The following SAMD9 variants were observed in gnomAD, a reference collection of about 807,000 sequenced individuals.
The protein encoded by SAMD9 is sterile alpha motif domain-containing protein 9.
A neutral mutation model predicts 1.5 loss-of-function variants in SAMD9; 3 were observed. The observed-to-expected ratio is 2.05, with a 90% CI of 0.93 to 5.29. SAMD9 has a LOEUF of 5.29. Among genes scored for constraint, SAMD9 ranks in the 30% most tolerant of loss-of-function variants. The pLI, the probability that SAMD9 is intolerant of heterozygous loss-of-function variation, is 0.02. For synonymous variants in SAMD9, 635 were observed against 631.9 expected (o/e 1.00, Z -0.07); for missense variants, 1,597 against 1,820.8 (o/e 0.88, Z 2.24).
chr7:93,115,069 G>A (rs937781041), intron 1 of SAMD9, among the ~76,000 whole-genome samples, 174 bp from the exon 2 acceptor site: 33 of 152,190 alleles, frequency 2.2e-4, no homozygotes, highest in South Asian at 4.1e-4. Flanking sequence ...CTACCGGGAG[G>A]AGGAAAACCA....
At chr7:93,113,640 G>T (rs980929358) in intron 2 of SAMD9, among the ~76,000 whole-genome samples, 3 of 152,014 alleles carry the variant, frequency 2.0e-5, no homozygotes, top group African/African-American at 7.2e-5. Context: ...GTGGGCAAAA[G>T]ATGAACAGAC....
chr7:93,111,387 A>G (rs1791740865), intron 2 of SAMD9, among the ~76,000 whole-genome samples: 1 of 152,222 alleles, frequency 6.6e-6, no homozygotes, highest in African/African-American at 2.4e-5. Context: ...TAACATCACA[A>G]TTAAAAGAAC....
intron 2 of SAMD9, among the ~76,000 whole-genome samples, chr7:93,111,023 G>A (rs141510176): frequency 0.056 from 8,520 of 152,096 alleles, 339 homozygotes; most frequent in South Asian, 0.2. Context: ...GCACCACATC[G>A]CACTTATTTC....
chr7:93,111,489 A>C (rs1791742821), intron 2 of SAMD9, among the ~76,000 whole-genome samples: 2 of 152,210 alleles, frequency 1.3e-5, no homozygotes, highest in South Asian at 2.1e-4. Context: ...AGACACAAAA[A>C]ACCCTTCAAA....
In SAMD9 at chr7:93,117,963, A is replaced by G. The variant is rs1452559110; in HGVS notation, c.-210T>C. Reference sequence around the variant, plus strand: ...TTTGTTTTCTTCCTCCTACGATGCTAGAGAAAAGTATTTTCCTCATTCTGG... The same window carrying G: ...TTTGTTTTCTTCCTCCTACGATGCTGGAGAAAAGTATTTTCCTCATTCTGG... On this transcript the variant is annotated 5_prime_UTR_variant, in exon 1 of 3. Transcript: ENST00000379958. 1 of 152,192 alleles carries G rather than the reference A, an allele frequency of 6.6e-6. No individual in the cohort carries two copies. Among genetic ancestry groups the G allele is most frequent in the African/African-American group, 2.4e-5 (1 of 41,454 alleles). The allele number at this position is 152,192 out of a possible 1,614,324, so 9.4% of individuals were successfully genotyped here. A position where few individuals can be genotyped will look rare whatever the true frequency, so the allele number is the denominator to read the frequency against.
intron 2 of SAMD9, among the ~76,000 whole-genome samples, chr7:93,110,812 C>T (rs1326348494): frequency 1.3e-5 from 2 of 152,138 alleles, no homozygotes; most frequent in African/African-American, 4.8e-5. Flanking sequence ...AAAGCAAGTC[C>T]TTAGAGACCT....
At chr7:93,117,108 G>A (rs6465371) in intron 1 of SAMD9, among the ~76,000 whole-genome samples, 148,219 of 152,328 alleles carry the variant, frequency 0.97, 72,135 homozygotes, top group East Asian at 1. Context: ...GTCTTCCTAT[G>A]TATGTCATCC....
intron 2 of SAMD9, among the ~76,000 whole-genome samples, chr7:93,110,290 A>G (rs1408834753): frequency 6.6e-6 from 1 of 152,218 alleles, no homozygotes; most frequent in Admixed American, 6.5e-5. Flanking sequence ...CCTGCCTTAC[A>G]AGAGCTCCTG....
At position 93,103,384 on chromosome 7, in the gene SAMD9, A is replaced by C. The variant is rs1295016722; in HGVS notation, c.2714T>G (p.Leu905Arg). 1.2e-6 allele frequency: 2 copies of C among 1,613,438 alleles called. No homozygotes were observed. Among genetic ancestry groups the C allele is most frequent in the African/African-American group, 2.7e-5 (2 of 74,910 alleles). Residue 905 changes from leucine (L) to arginine (R), a missense_variant, in exon 3 of 3, where the codon CTG (leucine) becomes CGG (arginine). This residue lies in a region of SAMD9 where 682 missense variants were observed against 810.0 expected (regional missense o/e 0.84). Transcript: ENST00000379958. ...CTTGGTGAAAATATTCTGCCCTTTCAGGATATTCCGGACCACATTTTCTAT... is the reference window on the plus strand; with the variant it reads ...CTTGGTGAAAATATTCTGCCCTTTCCGGATATTCCGGACCACATTTTCTAT... Reference protein sequence around the residue: ...EYIENVVRNILKGQNIFTKEA... With the variant: ...EYIENVVRNIRKGQNIFTKEA...
In SAMD9 at chr7:93,102,496, A is replaced by T; in HGVS notation, c.3602T>A (p.Ile1201Lys). ...TTGGATTGTGTAAAGCCCAACTTCT[A>T]TCTCTCCTTGATAACCAGCTATATT... Reference protein sequence around the residue: ...TYNIAGYQGEIEVGLYTIQIL... With the variant: ...TYNIAGYQGEKEVGLYTIQIL... The change falls in exon 3 of 3, where the codon ATA (isoleucine) becomes AAA (lysine). Residue 1201 changes from isoleucine (I) to lysine (K), a missense_variant. Transcript: ENST00000379958. 1 of 1,613,774 alleles carries T rather than the reference A, an allele frequency of 6.2e-7. No homozygotes were observed. Among genetic ancestry groups the T allele is most frequent in the South Asian group, 1.1e-5 (1 of 91,074 alleles).
intron 2 of SAMD9, among the ~76,000 whole-genome samples, chr7:93,107,387 T>C (rs754727054): frequency 1.4e-4 from 21 of 152,322 alleles, no homozygotes; most frequent in Non-Finnish European, 2.8e-4. Flanking sequence ...GAGCAATAAC[T>C]TGTGGCATAA....
rs1250168476 is a variant in SAMD9 at position 93,100,300 on chromosome 7, C to A, written c.*1028G>T. The A allele has an allele frequency of 1.3e-5, 2 of 152,114 alleles. No individual in the cohort carries two copies. Among genetic ancestry groups the A allele is most frequent in the African/African-American group, 2.4e-5 (1 of 41,430 alleles). 9.4% of individuals were successfully genotyped at this position (152,114 alleles called of 1,614,324 possible). On this transcript the variant is annotated 3_prime_UTR_variant, in exon 3 of 3. Coordinates refer to ENST00000379958, the MANE Select transcript of SAMD9 (RefSeq NM_017654.4). The stretch of plus-strand genomic sequence containing the variant: ...ATTCAGGTTTAATTATTTGGCAAGA[C>A]CATGTCACGGGTGATGTGTGCACTC...
At position 93,105,095 on chromosome 7, in the gene SAMD9, GT is replaced by G. The variant is rs763440994; in HGVS notation, c.1002del (p.Glu334AspfsTer65). ...KMQNYNNKIW[E>X]QSKKFSLFVR... ...ACAAATAGTGAGAATTTTTTACTTT[GT>G]TCCCATATTTTGTTGTTGTAATTTT... On this transcript the variant is annotated frameshift_variant, in exon 3 of 3. Transcript: ENST00000379958. LOFTEE classifies it low-confidence loss of function (END_TRUNC). The G allele has an allele frequency of 4.3e-6, 7 of 1,613,720 alleles. No individual in the cohort carries two copies. Among genetic ancestry groups the G allele is most frequent in the Non-Finnish European group, 5.9e-6 (7 of 1,179,892 alleles).
chr7:93,102,213 C>G lies in SAMD9; in HGVS notation c.3885G>C (p.Lys1295Asn). The G allele has an allele frequency of 6.2e-7, 1 of 1,613,634 alleles. No individual in the cohort carries two copies. Among genetic ancestry groups the G allele is most frequent in the Non-Finnish European group, 8.5e-7 (1 of 1,179,702 alleles). ...KQNEEAKTRR[K>N]VAGYFKKYVD... ...CATATTTCTTAAAATATCCAGCCAC[C>G]TTTCTCCGAGTTTTGGCCTCTTCAT... The change falls in exon 3 of 3, where the codon AAG becomes AAC. Residue 1295 changes from lysine (K) to asparagine (N), a missense_variant. By Grantham distance (94) the Lys-to-Asn change is moderately conservative (BLOSUM62 0). Coordinates refer to ENST00000379958, the MANE Select transcript of SAMD9 (RefSeq NM_017654.4).
chr7:93,102,508 T>G lies in SAMD9; in HGVS notation c.3590A>C (p.Tyr1197Ser). The G allele has an allele frequency of 6.2e-7, 1 of 1,613,796 alleles. No individual in the cohort carries two copies. Reference protein sequence around the residue: ...RRYDTYNIAGYQGEIEVGLYT... With the variant: ...RRYDTYNIAGSQGEIEVGLYT... ...AAGCCCAACTTCTATCTCTCCTTGA[T>G]AACCAGCTATATTGTAAGTATCATA... is the stretch of plus-strand genomic sequence containing the variant. Residue 1197 changes from tyrosine to serine, a missense_variant, in exon 3 of 3, where the codon TAT (tyrosine) becomes TCT (serine). Physicochemically the swap from Tyr to Ser is moderately radical, Grantham distance 144 (BLOSUM62 -2). Coordinates refer to ENST00000379958, the MANE Select transcript of SAMD9 (RefSeq NM_017654.4).
Position 93,102,950 on chromosome 7 carries a change from A to T in SAMD9, c.3148T>A (p.Trp1050Arg). Residue 1050 changes from tryptophan (W) to arginine (R), a missense_variant, in exon 3 of 3, where the codon TGG becomes AGG. Trp to Arg is a moderately radical substitution (Grantham distance 101). This residue lies in a region of SAMD9 where 682 missense variants were observed against 810.0 expected (regional missense o/e 0.84). Coordinates refer to ENST00000379958, the MANE Select transcript of SAMD9 (RefSeq NM_017654.4). ...AATGCTTCAATAAATGGGGAAAACC[A>T]ATTTCCTGTTTCACCTTCATGTTCA... ...RDEHEGETGN[W>R]FSPFIEALHK... 1 of 1,613,904 alleles carries T rather than the reference A, an allele frequency of 6.2e-7. No individual in the cohort carries two copies.
At position 93,101,049 on chromosome 7, in the gene SAMD9, C is replaced by T. The variant is rs1791519057; in HGVS notation, c.*279G>A. ...TGTAGCCAGCTTATTACACTAACTT[C>T]TCCTGACTCCAGTCATAGCTCCTTA... On this transcript the variant is annotated 3_prime_UTR_variant, in exon 3 of 3. Transcript: ENST00000379958. 2.3e-6 allele frequency: 1 copy of T among 441,102 alleles called. No homozygotes were observed. Among genetic ancestry groups the T allele is most frequent in the Non-Finnish European group, 4.1e-6 (1 of 242,526 alleles). The allele number at this position is 441,102 out of a possible 1,614,324, so 27.3% of individuals were successfully genotyped here.
Position 93,104,657 on chromosome 7 carries a change from A to G in SAMD9, c.1441T>C (p.Ser481Pro), listed in dbSNP as rs1791598926. The part of the protein sequence containing the change: ...EQKTTPNETI[S>P]TLNLYHQPSW... ...GGTTGATGGTAAAGATTTAGAGTAG[A>G]AATCGTCTCATTTGGTGTGGTTTTC... The change falls in exon 3 of 3, where the codon TCT becomes CCT. Residue 481 changes from serine (S) to proline (P), a missense_variant. Ser to Pro is a moderately conservative substitution (Grantham distance 74, BLOSUM62 -1). Transcript: ENST00000379958. The G allele has an allele frequency of 6.2e-7, 1 of 1,613,940 alleles. No homozygotes were observed. Among genetic ancestry groups the G allele is most frequent in the African/African-American group, 1.3e-5 (1 of 74,928 alleles).
Position 93,104,496 on chromosome 7 carries a change from C to T in SAMD9, c.1602G>A (p.Met534Ile). The change falls in exon 3 of 3, where the codon ATG becomes ATA. Residue 534 changes from methionine to isoleucine, a missense_variant. By Grantham distance (10) the Met-to-Ile change is conservative (BLOSUM62 1). Transcript: ENST00000379958. The part of the protein sequence containing the change: ...LISFLTHEDI[M>I]PRGKFLVVFL... ...ATACCACCAAAAACTTCCCTCTTGG[C>T]ATTATGTCTTCATGTGTAAGAAATG... is the stretch of plus-strand genomic sequence containing the variant. 1 of 1,614,020 alleles carries T rather than the reference C, an allele frequency of 6.2e-7. No homozygotes were observed.
Sources: gnomAD v4.1 joint callset for allele counts (sites outside exome capture counted in the v4.1 genomes callset) on GRCh38, gnomAD v4.1.1 for gene constraint, gnomAD v4.1.1 regional missense constraint, MANE v1.5 for transcripts, NCBI Gene and HGNC (gene_info 2026-07-23, HGNC 2026-07-21) for gene names.